The following NOL4 variants were observed in gnomAD, a reference collection of about 807,000 sequenced individuals.
NOL4 encodes the protein nucleolar protein 4.
A neutral mutation model predicts 75.9 loss-of-function variants in NOL4; 17 were observed. The observed-to-expected ratio is 0.22, with a 90% CI of 0.15 to 0.34. The LOEUF is 0.34. NOL4 is among the 10% of genes least tolerant of loss of function. NOL4 has a pLI of 1.00. For synonymous variants in NOL4, 292 were observed against 289.9 expected (o/e 1.01, Z -0.07); for missense variants, 614 against 793.5 (o/e 0.77, Z 2.72).
At position 33,983,483 on chromosome 18, in the gene NOL4, C is replaced by A. The variant is rs1377583322; in HGVS notation, c.1057-25065G>T. ...CATAGGTGGTATAAACACACGCACA[C>A]ACATGCACACACACAGATACACACA... On this transcript the variant is annotated intron_variant, in intron 6 of 10. Coordinates refer to ENST00000261592, the MANE Select transcript of NOL4 (RefSeq NM_003787.5). Among the ~76,000 whole-genome samples the A allele has an allele frequency of 5.3e-5, 8 of 151,250 alleles. No individual in the cohort carries two copies. In the East Asian group the frequency reaches 1.5e-3, roughly 29 times the overall value.
At chr18:34,211,947 T>TA (rs1040870578) in intron 1 of NOL4, among the ~76,000 whole-genome samples, 3 of 152,088 alleles carry the variant, frequency 2.0e-5, no homozygotes, top group Non-Finnish European at 4.4e-5. Context: ...TTAAATAAGT[T>TA]AAAAAAATAA....
chr18:33,976,058 A>G (rs1240875133), intron 6 of NOL4, among the ~76,000 whole-genome samples: 3 of 152,238 alleles, frequency 2.0e-5, no homozygotes, highest in Non-Finnish European at 4.4e-5. Flanking sequence ...GACAGGCAGT[A>G]CAATCACACA....
At chr18:33,883,494 T>C in intron 9 of NOL4, 70 bp from the exon 10 acceptor site, 1 of 1,181,170 alleles carries the variant, frequency 8.5e-7, no homozygotes, top group Non-Finnish European at 1.2e-6. Flanking sequence ...AGGACTACCT[T>C]ATTGTTATCT....
intron 1 of NOL4, among the ~76,000 whole-genome samples, chr18:34,217,308 G>A (rs888975771): frequency 2.5e-4 from 38 of 150,930 alleles, no homozygotes; most frequent in African/African-American, 9.0e-4. Context: ...TTTTTGAGAT[G>A]GAGTCTCACT....
At chr18:33,911,896 T>C (rs1404578329) in intron 9 of NOL4, among the ~76,000 whole-genome samples, 1 of 152,140 alleles carries the variant, frequency 6.6e-6, no homozygotes, top group African/African-American at 2.4e-5. Context: ...TTGTTTCTGG[T>C]ATCCTGAGTT....
chr18:33,859,905 G>A (rs2063020405), intron 10 of NOL4, among the ~76,000 whole-genome samples: 1 of 152,100 alleles, frequency 6.6e-6, no homozygotes, highest in African/African-American at 2.4e-5. Flanking sequence ...GGGACAGAGT[G>A]AGAATCTGTC....
intron 9 of NOL4, among the ~76,000 whole-genome samples, chr18:33,941,112 C>T (rs987354559): frequency 4.6e-5 from 7 of 151,820 alleles, no homozygotes; most frequent in Admixed American, 1.3e-4. Context: ...AACATATAAA[C>T]GTATGAAATA....
intron 1 of NOL4, among the ~76,000 whole-genome samples, chr18:34,145,883 A>G (rs2081374742): frequency 6.6e-6 from 1 of 152,094 alleles, no homozygotes; most frequent in Admixed American, 6.6e-5. Context: ...TTTACCCAAG[A>G]AAACAACACT....
intron 2 of NOL4, chr18:34,128,933 G>GT: frequency 8.9e-6 from 7 of 785,100 alleles, no homozygotes; most frequent in South Asian, 5.8e-5. Context: ...TATCAATATA[G>GT]CTGAAAACAG....
chr18:33,896,613 A>G (rs1318853668), intron 9 of NOL4, among the ~76,000 whole-genome samples: 1 of 152,016 alleles, frequency 6.6e-6, no homozygotes, highest in African/African-American at 2.4e-5. Context: ...TTCCACAAAA[A>G]TCAACTCAAG....
chr18:34,213,442 G>A (rs545268840), intron 1 of NOL4, among the ~76,000 whole-genome samples: 56 of 152,044 alleles, frequency 3.7e-4, no homozygotes, highest in African/African-American at 1.2e-3. Flanking sequence ...GGCACACGCC[G>A]CCACCCCCAG....
chr18:34,039,586 T>C (rs1310683556), intron 5 of NOL4, among the ~76,000 whole-genome samples: 1 of 152,050 alleles, frequency 6.6e-6, no homozygotes, highest in Non-Finnish European at 1.5e-5. Flanking sequence ...TAATGAATGG[T>C]TCCAAAAAAA....
chr18:33,860,569 T>C (rs915406046), intron 10 of NOL4, among the ~76,000 whole-genome samples: 7 of 152,204 alleles, frequency 4.6e-5, no homozygotes, highest in African/African-American at 1.7e-4. Context: ...TAGAATCATG[T>C]TGTCTGCAAA....
At chr18:33,879,264 C>CT (rs1187798548) in intron 10 of NOL4, among the ~76,000 whole-genome samples, 2 of 152,038 alleles carry the variant, frequency 1.3e-5, no homozygotes, top group Non-Finnish European at 2.9e-5. Flanking sequence ...TCTACATAAA[C>CT]TTTTTTTAAA....
rs907959002 is a variant in NOL4 at position 34,125,070 on chromosome 18, A to G, written c.414+4801T>C. On this transcript the variant is annotated intron_variant, in intron 2 of 10. Coordinates refer to ENST00000261592, the MANE Select transcript of NOL4 (RefSeq NM_003787.5). ...TGTTAAATGATCATATAAGGTATCA[A>G]TGACTGCTGGCAGCTTAATTGATTC... 4.6e-5 allele frequency among the ~76,000 whole-genome samples: 7 copies of G among 152,170 alleles called. 1 individual carries two copies. In the South Asian group the frequency reaches 1.4e-3, roughly 31 times the overall value.
chr18:33,991,947 T>G (rs2146117534), intron 6 of NOL4, among the ~76,000 whole-genome samples: 1 of 148,238 alleles, frequency 6.7e-6, no homozygotes, highest in South Asian at 2.1e-4. Flanking sequence ...GTTTTTGTAC[T>G]TTTGATATAT....
At chr18:34,081,938 A>C (rs1259555066) in intron 5 of NOL4, among the ~76,000 whole-genome samples, 3 of 152,166 alleles carry the variant, frequency 2.0e-5, no homozygotes, top group Non-Finnish European at 4.4e-5. Flanking sequence ...GCTAGACAGA[A>C]CCAATACATT....
intron 10 of NOL4, among the ~76,000 whole-genome samples, chr18:33,873,393 C>T (rs887689448): frequency 6.6e-6 from 1 of 151,964 alleles, no homozygotes; most frequent in Non-Finnish European, 1.5e-5. Context: ...AAGAAAAGCA[C>T]ATTTTCCTAT....
At chr18:34,175,141 C>T (rs947758259) in intron 1 of NOL4, among the ~76,000 whole-genome samples, 2 of 152,126 alleles carry the variant, frequency 1.3e-5, no homozygotes, top group East Asian at 3.9e-4. Flanking sequence ...GGCCCACATT[C>T]CTATACAGCC....
Sources: gnomAD v4.1 joint callset for allele counts (sites outside exome capture counted in the v4.1 genomes callset) on GRCh38, gnomAD v4.1.1 for gene constraint, MANE v1.5 for transcripts, NCBI Gene and HGNC (gene_info 2026-07-23, HGNC 2026-07-21) for gene names.